The following JAK1 variants were observed in gnomAD, a reference collection of about 807,000 sequenced individuals.
JAK1 encodes tyrosine-protein kinase JAK1.
JAK1 carries 16 observed loss-of-function variants against 136.6 expected under a neutral mutation model. The observed-to-expected ratio is 0.12, with a 90% confidence interval of 0.08 to 0.18. The LOEUF is 0.18. Ranked by LOEUF, JAK1 falls within the 10% of genes least tolerant of loss-of-function variation. The probability of loss-of-function intolerance (pLI) is 1.00; values close to 1 mark genes in which losing one functional copy is unlikely to be tolerated. For missense variants in JAK1, 859 were observed against 1,450.1 expected (o/e 0.59, Z 6.62); for synonymous variants, 492 against 519.5 (o/e 0.95, Z 0.72).
At position 64,860,419 on chromosome 1, in the gene JAK1, C is replaced by CATTTATTTATTT. The variant is rs3051564; in HGVS notation, c.1177-169_1177-158dup. Among the ~76,000 whole-genome samples the CATTTATTTATTT allele has an allele frequency of 2.7e-3, 201 of 73,872 alleles. 1 individual carries two copies. The highest frequency in any genetic ancestry group is 0.011 in the East Asian group (28 of 2,512). The allele number at this position is 73,872 out of a possible 152,430, so 48.5% of individuals were successfully genotyped here. A position where few individuals can be genotyped will look rare whatever the true frequency, so the allele number is the denominator to read the frequency against. On this transcript the variant is annotated intron_variant, in intron 8 of 24. Coordinates refer to ENST00000342505, the MANE Select transcript of JAK1 (RefSeq NM_002227.4). ...CAATACTAAATATACCCCTTGCATG[C>CATTTATTTATTT]ATTTATTTATTTATTTATTTATTTA...
chr1:64,964,206 T>C (rs970461072), intron 1 of JAK1, among the ~76,000 whole-genome samples: 6 of 152,232 alleles, frequency 3.9e-5, no homozygotes, highest in African/African-American at 1.4e-4. Context: ...TTTATTTGTA[T>C]GAATATTCAC....
intron 3 of JAK1, among the ~76,000 whole-genome samples, chr1:64,882,090 C>T (rs370376888): frequency 2.0e-5 from 3 of 152,230 alleles, no homozygotes; most frequent in Non-Finnish European, 1.5e-5. Flanking sequence ...GGATTTTTCC[C>T]ACTAATAATC....
intron 2 of JAK1, among the ~76,000 whole-genome samples, chr1:65,041,202 C>T (rs375434363): frequency 2.4e-3 from 370 of 152,246 alleles, no homozygotes; most frequent in Non-Finnish European, 4.5e-3. Flanking sequence ...TCCTTATTAC[C>T]GTGGCGAGGA....
At chr1:64,924,060 A>G (rs1645541277) in intron 1 of JAK1, among the ~76,000 whole-genome samples, 1 of 152,238 alleles carries the variant, frequency 6.6e-6, no homozygotes, top group South Asian at 2.1e-4. Context: ...CAACAACAGA[A>G]CAACTCTGAA....
At chr1:64,926,381 A>C in intron 1 of JAK1, among the ~76,000 whole-genome samples, 2 of 63,056 alleles carry the variant, frequency 3.2e-5, no homozygotes, top group Non-Finnish European at 3.0e-5. Flanking sequence ...CCCACCCCCA[A>C]GTGGCTCCAC....
At chr1:65,038,894 T>A (rs1261350537) in intron 2 of JAK1, among the ~76,000 whole-genome samples, 1 of 151,894 alleles carries the variant, frequency 6.6e-6, no homozygotes, top group African/African-American at 2.4e-5. Flanking sequence ...CACCTTGGCC[T>A]CCCAAAGTGC....
intron 5 of JAK1, among the ~76,000 whole-genome samples, 154 bp from the exon 6 acceptor site, chr1:64,869,628 T>C (rs573838980): frequency 1.3e-5 from 2 of 151,954 alleles, no homozygotes; most frequent in South Asian, 2.1e-4. Context: ...TTAAACAGAG[T>C]TGGGTGTGAA....
At chr1:64,892,286 G>C (rs370740142) in intron 1 of JAK1, among the ~76,000 whole-genome samples, 19 of 152,004 alleles carry the variant, frequency 1.2e-4, no homozygotes, top group East Asian at 1.2e-3. Context: ...TGCTTTTTTG[G>C]GGGGGATGGA....
chr1:65,042,775 C>T (rs1647146866), intron 2 of JAK1, among the ~76,000 whole-genome samples: 1 of 152,172 alleles, frequency 6.6e-6, no homozygotes, highest in South Asian at 2.1e-4. Context: ...ATGAGTTCAA[C>T]TCTCTGCTTT....
intron 1 of JAK1, among the ~76,000 whole-genome samples, chr1:65,046,309 A>T (rs1262796216): frequency 6.6e-6 from 1 of 152,206 alleles, no homozygotes; most frequent in East Asian, 1.9e-4. Context: ...GGCCCGGATG[A>T]GGCCCTTAAG....
chr1:64,874,963 C>T (rs986016568), intron 4 of JAK1, among the ~76,000 whole-genome samples: 2 of 152,152 alleles, frequency 1.3e-5, no homozygotes, highest in African/African-American at 4.8e-5. Context: ...CAATGGGGCA[C>T]GTATCACAAG....
At chr1:64,839,889 G>C in intron 19 of JAK1, 94 bp from the exon 20 acceptor site, 2 of 1,058,148 alleles carry the variant, frequency 1.9e-6, no homozygotes, top group Non-Finnish European at 2.7e-6. Flanking sequence ...GTTCCCCTGA[G>C]GGCCAGGGGT....
intron 1 of JAK1, among the ~76,000 whole-genome samples, chr1:64,925,552 A>G (rs1283232089): frequency 6.6e-6 from 1 of 152,168 alleles, no homozygotes; most frequent in African/African-American, 2.4e-5. Flanking sequence ...TGTGGCTCCA[A>G]TGAGTCCTGC....
chr1:64,915,949 G>A (rs1645388814), intron 1 of JAK1, among the ~76,000 whole-genome samples: 1 of 152,098 alleles, frequency 6.6e-6, no homozygotes, highest in South Asian at 2.1e-4. Flanking sequence ...CCAGTCCCTA[G>A]CCCTCCAGGT....
intron 1 of JAK1, among the ~76,000 whole-genome samples, chr1:64,931,832 T>A (rs978193204): frequency 6.6e-6 from 1 of 152,112 alleles, no homozygotes; most frequent in Admixed American, 6.5e-5. Flanking sequence ...GAATACATAA[T>A]GTACACACAC....
At chr1:64,838,928 G>A (rs1380746061) in intron 20 of JAK1, among the ~76,000 whole-genome samples, 1 of 151,774 alleles carries the variant, frequency 6.6e-6, no homozygotes, top group Admixed American at 6.6e-5. Context: ...GGCGGATCAC[G>A]AGGTCAGGAG....
chr1:64,850,357 A>T (rs1655508882), intron 12 of JAK1, among the ~76,000 whole-genome samples: 1 of 152,222 alleles, frequency 6.6e-6, no homozygotes, highest in Non-Finnish European at 1.5e-5. Context: ...CAGAGTGTGC[A>T]TGTCCTCTTG....
At chr1:64,991,772 T>C (rs1352833468) in intron 2 of JAK1, 4 of 152,208 alleles carry the variant, frequency 2.6e-5, no homozygotes, top group African/African-American at 9.7e-5. Flanking sequence ...AAAAATCAGT[T>C]GTCTATACAT....
At chr1:64,940,923 G>A (rs1645878966) in intron 1 of JAK1, among the ~76,000 whole-genome samples, 1 of 152,164 alleles carries the variant, frequency 6.6e-6, no homozygotes, top group Non-Finnish European at 1.5e-5. Context: ...TCAGCATTTT[G>A]GGAGGCTGAG....
Sources: gnomAD v4.1 joint callset for allele counts (sites outside exome capture counted in the v4.1 genomes callset) on GRCh38, gnomAD v4.1.1 for gene constraint, MANE v1.5 for transcripts, NCBI Gene and HGNC (gene_info 2026-07-23, HGNC 2026-07-21) for gene names.